The following ARHGAP24 variants were observed in gnomAD, a reference collection of about 807,000 sequenced individuals.
ARHGAP24 encodes Rho GTPase activating protein 24.
Under a neutral mutation model 76.4 loss-of-function variants are expected in ARHGAP24, and 50 were observed. The observed-to-expected ratio is 0.65, with a 90% confidence interval of 0.52 to 0.83. ARHGAP24 has a LOEUF of 0.83. Among genes scored for constraint, ARHGAP24 ranks in the 40% least tolerant of loss-of-function variants. The pLI, the probability that ARHGAP24 is intolerant of heterozygous loss-of-function variation, is 0.00. For synonymous variants in ARHGAP24, 345 were observed against 323.3 expected (o/e 1.07, Z -0.72); for missense variants, 930 against 914.2 (o/e 1.02, Z -0.22).
intron 5 of ARHGAP24, among the ~76,000 whole-genome samples, chr4:85,958,970 T>C (rs1738084129): frequency 6.6e-6 from 1 of 152,168 alleles, no homozygotes; most frequent in Admixed American, 6.5e-5. Flanking sequence ...GTTCATCTGT[T>C]ATGGGAAAAG....
chr4:85,581,831 A>ATAT (rs1285528372), intron 2 of ARHGAP24, among the ~76,000 whole-genome samples: 22 of 152,092 alleles, frequency 1.4e-4, no homozygotes, highest in Non-Finnish European at 3.1e-4. Context: ...ATACATATAT[A>ATAT]AAATACATGT....
At chr4:85,720,870 G>C (rs1724905547) in intron 2 of ARHGAP24, among the ~76,000 whole-genome samples, 1 of 152,072 alleles carries the variant, frequency 6.6e-6, no homozygotes, top group South Asian at 2.1e-4. Context: ...AGAAAGTCAA[G>C]TCACTGAAAA....
At chr4:85,923,862 T>C in intron 4 of ARHGAP24, 92 bp downstream of exon 4, 3 of 1,559,014 alleles carry the variant, frequency 1.9e-6, no homozygotes, top group Non-Finnish European at 2.6e-6. Flanking sequence ...AGCTCCTGTA[T>C]TCAAGTGGGT....
At chr4:85,841,583 T>A (rs1730598120) in intron 3 of ARHGAP24, among the ~76,000 whole-genome samples, 1 of 152,210 alleles carries the variant, frequency 6.6e-6, no homozygotes, top group African/African-American at 2.4e-5. Context: ...TGCACATTTG[T>A]TTATTTATTT....
At chr4:85,782,659 G>A (rs889190994) in intron 3 of ARHGAP24, among the ~76,000 whole-genome samples, 10 of 152,156 alleles carry the variant, frequency 6.6e-5, no homozygotes, top group African/African-American at 2.4e-4. Flanking sequence ...TTGTTGAACA[G>A]AGAAAGAGAT....
intron 2 of ARHGAP24, among the ~76,000 whole-genome samples, chr4:85,646,912 T>C (rs77699166): frequency 0.029 from 4,382 of 152,226 alleles, 100 homozygotes; most frequent in Non-Finnish European, 0.046. Context: ...TTATGTGATA[T>C]GTAATCATGA....
At chr4:85,476,839 C>A (rs1230858338) in intron 1 of ARHGAP24, among the ~76,000 whole-genome samples, 1 of 151,890 alleles carries the variant, frequency 6.6e-6, no homozygotes, top group African/African-American at 2.4e-5. Flanking sequence ...AGATCTCACT[C>A]CCCCTTTTAA....
intron 3 of ARHGAP24, among the ~76,000 whole-genome samples, chr4:85,905,636 C>T (rs1473009): frequency 0.3 from 45,485 of 152,018 alleles, 6,949 homozygotes; most frequent in South Asian, 0.43. Flanking sequence ...GCATTTGTTT[C>T]CCACTGAGCA....
At chr4:85,637,185 G>A (rs572080979) in intron 2 of ARHGAP24, among the ~76,000 whole-genome samples, 1 of 152,132 alleles carries the variant, frequency 6.6e-6, no homozygotes, top group East Asian at 1.9e-4. Context: ...TACTCATAAG[G>A]TGTCTGAAAC....
At chr4:85,973,830 A>ATTTT (rs1578452367) in intron 6 of ARHGAP24, among the ~76,000 whole-genome samples, 36 of 36,946 alleles carry the variant, frequency 9.7e-4, no homozygotes, top group African/African-American at 5.5e-3. Flanking sequence ...ACTGCTGCCT[A>ATTTT]TTGTTTTTTT....
chr4:85,645,516 G>T (rs965271251), intron 2 of ARHGAP24, among the ~76,000 whole-genome samples: 1 of 152,040 alleles, frequency 6.6e-6, no homozygotes, highest in Non-Finnish European at 1.5e-5. Flanking sequence ...TTTGTACTAG[G>T]TTATCCTCTC....
intron 2 of ARHGAP24, among the ~76,000 whole-genome samples, chr4:85,692,271 G>A (rs1280181887): frequency 6.6e-6 from 1 of 151,954 alleles, no homozygotes; most frequent in Non-Finnish European, 1.5e-5. Flanking sequence ...TTTTTTATTT[G>A]ACATTGAGCT....
chr4:85,888,945 G>A (rs1158104687), intron 3 of ARHGAP24, among the ~76,000 whole-genome samples: 1 of 152,116 alleles, frequency 6.6e-6, no homozygotes, highest in Non-Finnish European at 1.5e-5. Flanking sequence ...TCCCTGCAAA[G>A]GACATGATCT....
chr4:85,671,335 C>T (rs1040490520), intron 2 of ARHGAP24, among the ~76,000 whole-genome samples: 5 of 152,062 alleles, frequency 3.3e-5, no homozygotes, highest in Non-Finnish European at 5.9e-5. Flanking sequence ...CCTGTGTTTC[C>T]TCTATATTTT....
At chr4:85,801,986 TGACTTG>T (rs1387261752) in intron 3 of ARHGAP24, among the ~76,000 whole-genome samples, 1 of 152,260 alleles carries the variant, frequency 6.6e-6, no homozygotes, top group Non-Finnish European at 1.5e-5. Context: ...ATTTGAAAGA[TGACTTG>T]GTGAACCTGG....
chr4:85,807,556 C>A (rs1448614352), intron 3 of ARHGAP24, among the ~76,000 whole-genome samples: 4 of 152,120 alleles, frequency 2.6e-5, no homozygotes, highest in Non-Finnish European at 5.9e-5. Context: ...CCTTATTTTT[C>A]CACCCTGGGA....
chr4:85,882,736 C>T (rs1452394241), intron 3 of ARHGAP24, among the ~76,000 whole-genome samples: 2 of 152,260 alleles, frequency 1.3e-5, no homozygotes, highest in African/African-American at 4.8e-5. Flanking sequence ...GGCCAGAATG[C>T]AGCAACAGAG....
chr4:85,648,122 A>C (rs1032424144), intron 2 of ARHGAP24, among the ~76,000 whole-genome samples: 1 of 152,124 alleles, frequency 6.6e-6, no homozygotes, highest in African/African-American at 2.4e-5. Flanking sequence ...ATGTGTACGC[A>C]CTTACAGATT....
At chr4:85,620,083 T>C (rs1720666607) in intron 2 of ARHGAP24, among the ~76,000 whole-genome samples, 1 of 152,050 alleles carries the variant, frequency 6.6e-6, no homozygotes, top group Non-Finnish European at 1.5e-5. Flanking sequence ...TTGTGAATTT[T>C]TGCATCTATG....
Sources: gnomAD v4.1 joint callset for allele counts (sites outside exome capture counted in the v4.1 genomes callset) on GRCh38, gnomAD v4.1.1 for gene constraint, MANE v1.5 for transcripts, NCBI Gene and HGNC (gene_info 2026-07-23, HGNC 2026-07-21) for gene names.